The following DCUN1D1 variants were observed in gnomAD, a reference collection of about 807,000 sequenced individuals.
DCUN1D1 encodes the protein DCN1-like protein 1.
In DCUN1D1, 3 loss-of-function variants were observed where a neutral mutation model predicts 39.0. The observed-to-expected ratio is 0.08, with a 90% CI of 0.04 to 0.20. The LOEUF is 0.20. Among genes scored for constraint, DCUN1D1 ranks in the 10% least tolerant of loss-of-function variants. DCUN1D1 has a pLI of 1.00. For missense variants in DCUN1D1, 158 were observed against 302.4 expected, an observed-to-expected ratio of 0.52 and a Z score of 3.54; for synonymous variants, 82 against 96.3, an observed-to-expected ratio of 0.85 and a Z score of 0.87.
chr3:182,968,957 A>G (rs1322778191), intron 1 of DCUN1D1, among the ~76,000 whole-genome samples: 1 of 152,182 alleles, frequency 6.6e-6, no homozygotes, highest in Admixed American at 6.5e-5. Context: ...GGCAATATCA[A>G]CATATTTGAA....
At chr3:182,962,070 G>T (rs1697103010) in intron 3 of DCUN1D1, among the ~76,000 whole-genome samples, 1 of 151,720 alleles carries the variant, frequency 6.6e-6, no homozygotes, top group Non-Finnish European at 1.5e-5. Flanking sequence ...TACATTCTTT[G>T]TAACACCTTC....
At chr3:182,966,080 G>A (rs751937849) in intron 1 of DCUN1D1, among the ~76,000 whole-genome samples, 1 of 152,056 alleles carries the variant, frequency 6.6e-6, no homozygotes, top group Non-Finnish European at 1.5e-5. Flanking sequence ...CCCCGACCAA[G>A]CACAGTGCTC....
chr3:182,965,497 C>G (rs748566183), intron 2 of DCUN1D1, 40 bp downstream of exon 2: 11 of 1,403,444 alleles, frequency 7.8e-6, no homozygotes, highest in Non-Finnish European at 1.1e-5. Flanking sequence ...TTTGGAAAAT[C>G]TGGTCCAAAA....
chr3:182,971,137 T>C (rs1353355290), intron 1 of DCUN1D1, among the ~76,000 whole-genome samples: 1 of 152,166 alleles, frequency 6.6e-6, no homozygotes, highest in East Asian at 1.9e-4. Flanking sequence ...CTGTATGACT[T>C]TGGGAAAATT....
intron 1 of DCUN1D1, among the ~76,000 whole-genome samples, chr3:182,973,714 G>C (rs1728068306): frequency 2.0e-5 from 3 of 151,780 alleles, no homozygotes; most frequent in African/African-American, 7.3e-5. Context: ...GGCTGAGGCA[G>C]GAGAATCACC....
upstream of DCUN1D1, among the ~76,000 whole-genome samples, chr3:182,983,024 G>A (rs1188637538): frequency 6.6e-6 from 1 of 152,040 alleles, no homozygotes; most frequent in Non-Finnish European, 1.5e-5. Flanking sequence ...CTGCTCCATA[G>A]TTGTCTTTCT....
Position 182,944,572 on chromosome 3 carries a change from T to C in DCUN1D1, c.*522A>G, listed in dbSNP as rs1203539196. On this transcript the variant is annotated 3_prime_UTR_variant, in exon 7 of 7. Coordinates refer to ENST00000292782, the MANE Select transcript of DCUN1D1 (RefSeq NM_020640.4). The stretch of plus-strand genomic sequence containing the variant: ...GTGATTTGCCAGGAAAAAAAAAAAA[T>C]TCCCCCCAAACCAAAACACCATTCC... 3.9e-5 allele frequency: 6 copies of C among 152,232 alleles called. No homozygotes were observed. The highest frequency in any genetic ancestry group is 2.1e-4 in the South Asian group (1 of 4,808). The allele number at this position is 152,232 out of a possible 1,614,324, so 9.4% of individuals were successfully genotyped here.
intron 1 of DCUN1D1, chr3:182,980,140 C>A (rs1358206407): frequency 1.4e-5 from 12 of 867,550 alleles, no homozygotes; most frequent in African/African-American, 1.8e-5. Flanking sequence ...AGGGGCAAGG[C>A]CGTTGCCCCC....
intron 4 of DCUN1D1, among the ~76,000 whole-genome samples, chr3:182,954,589 T>C (rs1391118568): frequency 6.6e-5 from 10 of 151,862 alleles, no homozygotes; most frequent in African/African-American, 2.4e-4. Flanking sequence ...TTCTATGCAT[T>C]TTTTTCTGTG....
upstream of DCUN1D1, among the ~76,000 whole-genome samples, chr3:182,984,089 G>C (rs1728649534): frequency 6.6e-6 from 1 of 152,148 alleles, no homozygotes; most frequent in Non-Finnish European, 1.5e-5. Flanking sequence ...TAGTCACAGT[G>C]GGATAAATTA....
At chr3:182,959,483 T>A (rs991420550) in intron 4 of DCUN1D1, among the ~76,000 whole-genome samples, 13 of 112,792 alleles carry the variant, frequency 1.2e-4, no homozygotes, top group Non-Finnish European at 1.5e-4. Context: ...CCTCTCCAAC[T>A]ACTATATCTT....
chr3:182,956,646 A>G (rs1003788503), intron 4 of DCUN1D1, among the ~76,000 whole-genome samples: 2 of 152,268 alleles, frequency 1.3e-5, no homozygotes, highest in Non-Finnish European at 2.9e-5. Flanking sequence ...GTTCCTAAAT[A>G]TTAAACTAAA....
rs1180872008 is a variant in DCUN1D1 at position 182,941,675 on chromosome 3, G to A, written c.*3419C>T. ...TATAAGGTAACATTAAAACTGCTGAGGTGCCAGATAAGTATTTTCTGTTAA... is the reference window on the plus strand; with the variant it reads ...TATAAGGTAACATTAAAACTGCTGAAGTGCCAGATAAGTATTTTCTGTTAA... On this transcript the variant is annotated 3_prime_UTR_variant, in exon 7 of 7. Transcript: ENST00000292782. 6.6e-6 allele frequency: 1 copy of A among 151,954 alleles called. No individual in the cohort carries two copies. Among genetic ancestry groups the A allele is most frequent in the Non-Finnish European group, 1.5e-5 (1 of 67,934 alleles). 9.4% of individuals were successfully genotyped at this position (151,954 alleles called of 1,614,324 possible). A position where few individuals can be genotyped will look rare whatever the true frequency, so the allele number is the denominator to read the frequency against.
chr3:182,951,271 A>T (rs1560164216), intron 4 of DCUN1D1, among the ~76,000 whole-genome samples: 1 of 152,042 alleles, frequency 6.6e-6, no homozygotes, highest in South Asian at 2.1e-4. Context: ...TTGCTAGTAT[A>T]TTTTTTTCCT....
intron 4 of DCUN1D1, chr3:182,955,888 G>C (rs940166913): frequency 1.8e-5 from 3 of 169,100 alleles, no homozygotes; most frequent in Non-Finnish European, 3.8e-5. Context: ...GCCGCACCAT[G>C]GTTTTGTGTT....
intron 4 of DCUN1D1, among the ~76,000 whole-genome samples, chr3:182,949,234 G>A (rs1016191753): frequency 2.6e-5 from 4 of 151,900 alleles, no homozygotes; most frequent in African/African-American, 9.7e-5. Context: ...GTGGTAGCAG[G>A]CACCTGTAAT....
At chr3:182,970,820 A>G (rs995044373) in intron 1 of DCUN1D1, among the ~76,000 whole-genome samples, 1 of 152,232 alleles carries the variant, frequency 6.6e-6, no homozygotes, top group South Asian at 2.1e-4. Flanking sequence ...TTCAGCAGAC[A>G]TAGCAAAACG....
intron 1 of DCUN1D1, among the ~76,000 whole-genome samples, chr3:182,975,693 A>AC (rs1349576812): frequency 3.9e-5 from 5 of 129,472 alleles, no homozygotes; most frequent in African/African-American, 2.4e-4. Flanking sequence ...AAAAAAAAAA[A>AC]AAAACAAAAA....
chr3:182,978,507 G>C (rs938798453), intron 1 of DCUN1D1, among the ~76,000 whole-genome samples: 3 of 151,954 alleles, frequency 2.0e-5, no homozygotes, highest in Admixed American at 1.3e-4. Flanking sequence ...TCTGGAGTAG[G>C]GGCAACCACA....
Sources: gnomAD v4.1 joint callset for allele counts (sites outside exome capture counted in the v4.1 genomes callset) on GRCh38, gnomAD v4.1.1 for gene constraint, MANE v1.5 for transcripts, NCBI Gene and HGNC (gene_info 2026-07-23, HGNC 2026-07-21) for gene names.